PPDPFL: variants seen among roughly 807,000 people sequenced by gnomAD.
PPDPFL encodes the protein pancreatic progenitor cell differentiation and proliferation factor like, also known as pancreatic progenitor cell differentiation and proliferation factor-like protein.
A neutral mutation model predicts 12.6 loss-of-function variants in PPDPFL; 12 were observed. The ratio of observed to expected loss-of-function variants is 0.95; its 90% CI spans 0.61 to 1.54. The LOEUF (loss-of-function observed/expected upper bound fraction) is 1.54, where lower values mean the gene tolerates loss of function less well. Among genes scored for constraint, PPDPFL ranks in the 40% most tolerant of loss-of-function variants. PPDPFL has a pLI of 0.00. For synonymous variants in PPDPFL, 24 were observed against 32.7 expected (o/e 0.73, Z 0.91); for missense variants, 114 against 96.0 (o/e 1.19, Z -0.78).
At position 49,075,400 on chromosome 8, in the gene PPDPFL, A is replaced by ATC. The variant is rs1808479155; in HGVS notation, c.*228_*229insCT. ...TGAGACAAGATCACAGCAGCCACTG[A>ATC]TATAAAAAAAGTTTAGGCATTTTTC... On this transcript the variant is annotated 3_prime_UTR_variant, in exon 5 of 5. Coordinates refer to ENST00000522267, the MANE Select transcript of PPDPFL (RefSeq NM_001256597.2). 2.2e-6 allele frequency: 2 copies of ATC among 907,828 alleles called. No homozygotes were observed. The highest frequency in any genetic ancestry group is 4.9e-5 in the East Asian group (2 of 40,608). 56.2% of individuals were successfully genotyped at this position (907,828 alleles called of 1,614,324 possible). A position where few individuals can be genotyped will look rare whatever the true frequency, so the allele number is the denominator to read the frequency against.
intron 1 of PPDPFL, among the ~76,000 whole-genome samples, chr8:49,056,777 T>C (rs1808118116): frequency 6.6e-6 from 1 of 152,242 alleles, no homozygotes; most frequent in Non-Finnish European, 1.5e-5. Context: ...AATCCCTAAC[T>C]TTCCATTTTG....
At chr8:49,054,462 A>G (rs1221797302) in intron 1 of PPDPFL, 1 of 152,188 alleles carries the variant, frequency 6.6e-6, no homozygotes, top group Non-Finnish European at 1.5e-5. Context: ...AATACATATA[A>G]CGTACAAAAA....
At chr8:49,054,683 A>G (rs754306480) in intron 1 of PPDPFL, among the ~76,000 whole-genome samples, 20 of 151,446 alleles carry the variant, frequency 1.3e-4, no homozygotes, top group Non-Finnish European at 2.2e-4. Context: ...GTATACTCTT[A>G]CAGGGCTTTC....
intron 1 of PPDPFL, among the ~76,000 whole-genome samples, chr8:49,060,040 T>C (rs146585483): frequency 1.1e-3 from 172 of 152,238 alleles, no homozygotes; most frequent in Admixed American, 4.8e-3. Context: ...AGGGAAGAAA[T>C]AGAAGGGAAA....
At chr8:49,072,161 A>G (rs1469591507), upstream of PPDPFL, among the ~76,000 whole-genome samples, 1 of 152,254 alleles carries the variant, frequency 6.6e-6, no homozygotes, top group African/African-American at 2.4e-5. Context: ...TGCTGACTGC[A>G]GCCAAACTTG....
chr8:49,057,493 G>T (rs1808129726), intron 1 of PPDPFL, among the ~76,000 whole-genome samples: 1 of 152,244 alleles, frequency 6.6e-6, no homozygotes, highest in Non-Finnish European at 1.5e-5. Context: ...GAGTGAGTTT[G>T]CAGCCTCTGT....
rs146764107 is a variant in PPDPFL, at chr8:49,058,992, G to A, written c.-45+4623G>A. Among the ~76,000 whole-genome samples the A allele has an allele frequency of 3.0e-4, 46 of 152,272 alleles. 1 individual carries two copies. Among genetic ancestry groups the A allele is most frequent in the East Asian group, 2.7e-3 (14 of 5,180 alleles). Reference sequence around the variant, plus strand: ...GCTTGGAACAGTATATTGCACAGTCGGAGTGGTCTGTAACTGTTGACTGAA... The same window carrying A: ...GCTTGGAACAGTATATTGCACAGTCAGAGTGGTCTGTAACTGTTGACTGAA... On this transcript the variant is annotated intron_variant, in intron 1 of 4. Coordinates refer to the PPDPFL transcript ENST00000517663.
chr8:49,072,112 G>A (rs1423873949), upstream of PPDPFL, among the ~76,000 whole-genome samples: 1 of 152,244 alleles, frequency 6.6e-6, no homozygotes, highest in African/African-American at 2.4e-5. Flanking sequence ...TGATATTAAA[G>A]AGGCTGAGTC....
rs779893558 is a variant in PPDPFL, at chr8:49,075,228, T to C, written c.*55T>C. Reference sequence around the variant, plus strand: ...ACATGTTGGTAACGGTTGCCTGCCTTATGTAGCATGAACAGTTGATTCTGA... The same window carrying C: ...ACATGTTGGTAACGGTTGCCTGCCTCATGTAGCATGAACAGTTGATTCTGA... On this transcript the variant is annotated 3_prime_UTR_variant, in exon 5 of 5. Transcript: ENST00000522267. 1.2e-6 allele frequency: 2 copies of C among 1,614,018 alleles called. No individual in the cohort carries two copies. Among genetic ancestry groups the C allele is most frequent in the South Asian group, 2.2e-5 (2 of 91,086 alleles).
At chr8:49,060,778 C>T (rs935161227) in intron 1 of PPDPFL, among the ~76,000 whole-genome samples, 18 of 151,850 alleles carry the variant, frequency 1.2e-4, no homozygotes, top group East Asian at 3.9e-4. Flanking sequence ...TCAAAATTGG[C>T]GTAATGGAAG....
chr8:49,063,940 T>C (rs745432327), intron 1 of PPDPFL, among the ~76,000 whole-genome samples: 2 of 152,052 alleles, frequency 1.3e-5, no homozygotes, highest in African/African-American at 2.4e-5. Flanking sequence ...ATGTGTGACA[T>C]GTACAAAATG....
intron 1 of PPDPFL, among the ~76,000 whole-genome samples, chr8:49,058,718 A>T (rs1808149021): frequency 6.6e-6 from 1 of 152,216 alleles, no homozygotes; most frequent in Non-Finnish European, 1.5e-5. Context: ...TAAGAAAGAC[A>T]ACTGGTTTCT....
At chr8:49,074,672 T>C (rs1453377222) in intron 4 of PPDPFL, 2 of 1,498,062 alleles carry the variant, frequency 1.3e-6, no homozygotes, top group East Asian at 4.9e-5. Flanking sequence ...AGAATAACCA[T>C]TGTCTAGTTG....
chr8:49,062,458 G>T (rs537996943), intron 1 of PPDPFL, among the ~76,000 whole-genome samples: 1 of 152,162 alleles, frequency 6.6e-6, no homozygotes, highest in Non-Finnish European at 1.5e-5. Context: ...TACTTAAGCT[G>T]GTTGTGTTTC....
Position 49,072,895 on chromosome 8 carries a change from A to G in PPDPFL, c.55+10A>G. On this transcript the variant is annotated intron_variant, in intron 2 of 4. Transcript: ENST00000522267. ...AATCAGTATTATCGAAGTAAGTTGC[A>G]TCATCATAGAGACGTCCCTAGATAA... The G allele has an allele frequency of 6.2e-7, 1 of 1,602,296 alleles. No homozygotes were observed. The highest frequency in any genetic ancestry group is 8.5e-7 in the Non-Finnish European group (1 of 1,173,618).
intron 1 of PPDPFL, among the ~76,000 whole-genome samples, chr8:49,061,622 T>A (rs1022227275): frequency 2.6e-5 from 4 of 152,072 alleles, no homozygotes; most frequent in Non-Finnish European, 5.9e-5. Flanking sequence ...GGCTGTGGGA[T>A]GAGCTGACTG....
At chr8:49,055,207 A>ACTCCC (rs752861636) in intron 1 of PPDPFL, among the ~76,000 whole-genome samples, 47,252 of 151,698 alleles carry the variant, frequency 0.31, 7,754 homozygotes, top group Non-Finnish European at 0.36. Flanking sequence ...CCTGCTCCTA[A>ACTCCC]TTGCTACAGT....
chr8:49,067,011 C>A (rs1021700214), intron 1 of PPDPFL, among the ~76,000 whole-genome samples: 3 of 152,198 alleles, frequency 2.0e-5, no homozygotes, highest in Admixed American at 2.0e-4. Flanking sequence ...ACCATCCTCC[C>A]ATTACATTGT....
intron 4 of PPDPFL, chr8:49,074,587 G>A: frequency 6.5e-7 from 1 of 1,536,146 alleles, no homozygotes; most frequent in Non-Finnish European, 8.7e-7. Context: ...GCCAAACTGT[G>A]TCATTGTTTG....
Sources: allele counts gnomAD v4.1 joint callset (sites outside exome capture counted in the v4.1 genomes callset), GRCh38; gene constraint gnomAD v4.1.1; transcripts MANE v1.5; gene names NCBI Gene and HGNC (gene_info 2026-07-23, HGNC 2026-07-21).